Variants in TMEM131 observed in about 807,000 individuals in gnomAD.
TMEM131 encodes 2610524E03Rik.
Under a neutral mutation model 211.6 loss-of-function variants are expected in TMEM131, and 66 were observed. That is an observed-to-expected ratio of 0.31 (90% confidence interval 0.26 to 0.38). The LOEUF is 0.38. TMEM131 is among the 10% of genes least tolerant of loss of function. The pLI is 1.00. For synonymous variants in TMEM131, 844 were observed against 841.3 expected (o/e 1.00, Z -0.06); for missense variants, 2,036 against 2,299.3 (o/e 0.89, Z 2.34).
chr2:97,888,527 C>T (rs1197510784), intron 3 of TMEM131, among the ~76,000 whole-genome samples: 1 of 152,150 alleles, frequency 6.6e-6, no homozygotes, highest in Non-Finnish European at 1.5e-5. Flanking sequence ...CAGATTGTAA[C>T]TAGAGTGGCA....
intron 1 of TMEM131, among the ~76,000 whole-genome samples, chr2:97,981,726 T>C (rs1009316644): frequency 6.6e-6 from 1 of 152,194 alleles, no homozygotes; most frequent in Non-Finnish European, 1.5e-5. Context: ...TCTCCATAGT[T>C]CTAGACAACC....
chr2:97,803,441 C>G (rs1225335644), intron 22 of TMEM131, among the ~76,000 whole-genome samples: 1 of 152,178 alleles, frequency 6.6e-6, no homozygotes, highest in Non-Finnish European at 1.5e-5. Context: ...TGAATATCTC[C>G]CTACTTATAA....
At chr2:97,985,148 T>C (rs1002023039) in intron 1 of TMEM131, among the ~76,000 whole-genome samples, 2 of 152,140 alleles carry the variant, frequency 1.3e-5, no homozygotes, top group African/African-American at 4.8e-5. Context: ...CCAATCATAC[T>C]ACACAATGAA....
rs1418317204 is a variant in TMEM131, at chr2:97,760,689, C to T, written c.5012G>A (p.Gly1671Asp). Residue 1671 changes from glycine to aspartate, a missense_variant and splice_region_variant, in exon 38 of 41, where the codon GGT becomes GAT. This residue lies in a region of TMEM131 where 1,623 missense variants were observed against 1,805.9 expected (regional missense o/e 0.90). Transcript: ENST00000186436. ...AVTAGYDKSP[G>D]GNGFAKVSSN... ...AGAAACTTTAGCAAAGCCATTCCCA[C>T]CTGTAACAATGGACGTTCAATCAAT... is the stretch of plus-strand genomic sequence containing the variant. The T allele has an allele frequency of 6.2e-7, 1 of 1,614,006 alleles. No homozygotes were observed. Among genetic ancestry groups the T allele is most frequent in the Non-Finnish European group, 8.5e-7 (1 of 1,179,888 alleles).
chr2:97,758,735 T>C (rs1456203096), intron 40 of TMEM131, among the ~76,000 whole-genome samples, 158 bp downstream of exon 40: 1 of 152,266 alleles, frequency 6.6e-6, no homozygotes, highest in Non-Finnish European at 1.5e-5. Flanking sequence ...TGACAGAATA[T>C]GAAGACAAAG....
At chr2:97,946,280 A>G (rs1225406683) in intron 1 of TMEM131, among the ~76,000 whole-genome samples, 1 of 152,058 alleles carries the variant, frequency 6.6e-6, no homozygotes, top group Non-Finnish European at 1.5e-5. Flanking sequence ...ATAAATCAAT[A>G]AAGTAGAAAG....
chr2:97,811,314 TA>T, intron 17 of TMEM131, 82 bp from the exon 18 acceptor site: 3 of 971,982 alleles, frequency 3.1e-6, no homozygotes, highest in Non-Finnish European at 3.3e-6. Context: ...GGTGTAGCGA[TA>T]AAATGACTAA....
intron 1 of TMEM131, among the ~76,000 whole-genome samples, chr2:97,977,160 T>C (rs896388361): frequency 1.3e-5 from 2 of 152,108 alleles, no homozygotes; most frequent in Non-Finnish European, 2.9e-5. Flanking sequence ...AAAGAGCAAA[T>C]TGGTAAAGTT....
intron 31 of TMEM131, among the ~76,000 whole-genome samples, chr2:97,784,957 A>G (rs1680181331): frequency 6.6e-6 from 1 of 152,188 alleles, no homozygotes. Context: ...TACAGACATC[A>G]ACATGATGGT....
chr2:97,866,703 C>T lies in TMEM131; in HGVS notation c.360-7276G>A, dbSNP rs115509832. ...TGATATGTTTTGTTTTTGTTCATCT[C>T]GAAGTATTTTCTAATTTCCCTTTTG... On this transcript the variant is annotated intron_variant, in intron 4 of 40. Transcript: ENST00000186436. Among the ~76,000 whole-genome samples the T allele has an allele frequency of 6.3e-3, 958 of 152,170 alleles. 14 individuals carry two copies. Among genetic ancestry groups the T allele is most frequent in the African/African-American group, 0.02 (835 of 41,528 alleles).
chr2:97,896,998 TTTAA>T (rs1481812263), intron 3 of TMEM131, among the ~76,000 whole-genome samples: 1 of 66,004 alleles, frequency 1.5e-5, no homozygotes, highest in Non-Finnish European at 3.4e-5. Context: ...CTAGGAGTTC[TTTAA>T]TTACTCTATA....
intron 19 of TMEM131, among the ~76,000 whole-genome samples, chr2:97,807,461 T>C (rs1317504999): frequency 2.6e-5 from 4 of 152,214 alleles, no homozygotes; most frequent in African/African-American, 9.6e-5. Flanking sequence ...TCTCTTGCCA[T>C]GTGATCTTTG....
At chr2:97,948,857 C>T (rs1438677449) in intron 1 of TMEM131, among the ~76,000 whole-genome samples, 1 of 152,032 alleles carries the variant, frequency 6.6e-6, no homozygotes, top group Non-Finnish European at 1.5e-5. Flanking sequence ...TGGGGTTTCA[C>T]CATGTTAGCC....
chr2:97,898,808 G>C (rs1675727203), intron 3 of TMEM131, among the ~76,000 whole-genome samples: 1 of 151,990 alleles, frequency 6.6e-6, no homozygotes, highest in Non-Finnish European at 1.5e-5. Context: ...CATGAGTATT[G>C]AAAAGCTTCT....
intron 40 of TMEM131, 108 bp from the exon 41 acceptor site, chr2:97,757,491 ACTTT>A: frequency 8.2e-7 from 1 of 1,223,572 alleles, no homozygotes; most frequent in Non-Finnish European, 1.1e-6. Context: ...CATTCCTCTT[ACTTT>A]GTTTACTTTA....
intron 31 of TMEM131, among the ~76,000 whole-genome samples, chr2:97,788,067 C>T (rs956991305): frequency 3.3e-5 from 5 of 152,154 alleles, no homozygotes; most frequent in South Asian, 4.1e-4. Context: ...AGCACCCCAC[C>T]GCTCTCCTGC....
intron 11 of TMEM131, among the ~76,000 whole-genome samples, chr2:97,824,906 C>T (rs1421287268): frequency 6.6e-6 from 1 of 152,218 alleles, no homozygotes; most frequent in Non-Finnish European, 1.5e-5. Context: ...TAGACTAGTG[C>T]AAGATCTTAG....
intron 33 of TMEM131, 92 bp from the exon 34 acceptor site, chr2:97,766,694 T>C: frequency 6.7e-7 from 1 of 1,488,598 alleles, no homozygotes; most frequent in Non-Finnish European, 9.2e-7. Context: ...ACAATACAAC[T>C]GCATGCAGGA....
At chr2:97,773,393 C>T (rs1481047201) in intron 32 of TMEM131, among the ~76,000 whole-genome samples, 2 of 152,168 alleles carry the variant, frequency 1.3e-5, no homozygotes, top group Non-Finnish European at 2.9e-5. Context: ...CAGCATGGAC[C>T]TCTGCTGGGG....
Sources: gnomAD v4.1 joint callset for allele counts (sites outside exome capture counted in the v4.1 genomes callset) on GRCh38, gnomAD v4.1.1 for gene constraint, gnomAD v4.1.1 regional missense constraint, MANE v1.5 for transcripts, NCBI Gene and HGNC (gene_info 2026-07-23, HGNC 2026-07-21) for gene names.